Variants in VAV1 observed in about 807,000 individuals in gnomAD.
VAV1 encodes vav guanine nucleotide exchange factor 1.
A neutral mutation model predicts 128.1 loss-of-function variants in VAV1; 33 were observed. The observed-to-expected ratio is 0.26, with a 90% CI of 0.20 to 0.34. VAV1 has a LOEUF of 0.34. VAV1 is among the 10% of genes least tolerant of loss of function. The probability of loss-of-function intolerance (pLI) is 1.00; values close to 1 mark genes in which losing one functional copy is unlikely to be tolerated. For synonymous variants in VAV1, 394 were observed against 409.8 expected (o/e 0.96, Z 0.47); for missense variants, 715 against 1,093.7 (o/e 0.65, Z 4.88).
intron 7 of VAV1, 24 bp from the exon 8 acceptor site, chr19:6,825,279 G>A (rs751269790): frequency 3.1e-6 from 5 of 1,603,630 alleles, no homozygotes; most frequent in Middle Eastern, 4.3e-4. Context: ...TCTGGTCCCA[G>A]CCCTCACCCT....
intron 1 of VAV1, among the ~76,000 whole-genome samples, chr19:6,773,813 TTATGTTGCTGTAGCATCATG>T (rs1970556354): frequency 6.6e-6 from 1 of 152,138 alleles, no homozygotes; most frequent in Admixed American, 6.5e-5. Context: ...TGTGGCTGCA[TTATGTTGCTGTAGCATCATG>T]TCTGGTTCCC....
intron 1 of VAV1, among the ~76,000 whole-genome samples, chr19:6,805,471 G>A (rs1296236830): frequency 1.3e-5 from 2 of 151,604 alleles, no homozygotes; most frequent in African/African-American, 2.4e-5. Flanking sequence ...ACCAGTTGTG[G>A]TGGCTCACAT....
At chr19:6,783,496 C>T (rs1206345168) in intron 1 of VAV1, among the ~76,000 whole-genome samples, 5 of 87,240 alleles carry the variant, frequency 5.7e-5, no homozygotes, top group Admixed American at 3.5e-4. Context: ...TTTTTTGAGA[C>T]GGAGTTTTGC....
At chr19:6,816,851 C>A (rs1458833426) in intron 1 of VAV1, among the ~76,000 whole-genome samples, 1 of 151,816 alleles carries the variant, frequency 6.6e-6, no homozygotes, top group Non-Finnish European at 1.5e-5. Flanking sequence ...GTAGTTCCAG[C>A]TACTTGGGAG....
rs1971812454 is a variant in VAV1, at chr19:6,822,323, C to T, written c.552C>T (p.Ser184=). 6.4e-7 allele frequency: 1 copy of T among 1,551,728 alleles called. No individual in the cohort carries two copies. Among genetic ancestry groups the T allele is most frequent in the Non-Finnish European group, 8.7e-7 (1 of 1,145,488 alleles). The change falls in exon 5 of 27, where the codon TCC becomes TCT. Residue 184 remains serine (S), a synonymous_variant. Coordinates refer to ENST00000602142, the MANE Select transcript of VAV1 (RefSeq NM_005428.4). This position sits in a 1 kb window ranked among gnomAD's most constrained non-coding sequence, Gnocchi z 5.9. ...ACCTCATGCGCTCGGAGCCCGTGTC[C>T]ATGCCGGTGCGTGACGTGGAGGGTC... The part of the protein sequence containing the change: ...YEDLMRSEPV[S]MPPKMTEYDK...
chr19:6,804,298 G>A (rs982089090), intron 1 of VAV1, among the ~76,000 whole-genome samples: 7 of 151,862 alleles, frequency 4.6e-5, no homozygotes, highest in African/African-American at 1.7e-4. Context: ...TCCAGTGGTA[G>A]GGTAGACGAA....
chr19:6,833,565 C>T lies in VAV1; in HGVS notation c.1648C>T (p.Arg550Trp), dbSNP rs759577156. 20 of 1,612,088 alleles carry T rather than the reference C, an allele frequency of 1.2e-5. No homozygotes were observed. Among genetic ancestry groups the T allele is most frequent in the Admixed American group, 3.3e-5 (2 of 59,864 alleles). The change falls in exon 17 of 27, where the codon CGG becomes TGG. Residue 550 changes from arginine (R) to tryptophan (W), a missense_variant. Physicochemically the swap from Arg to Trp is moderately radical, Grantham distance 101 (BLOSUM62 -3). Transcript: ENST00000602142. ...FYQGYRCHRC[R>W]ASAHKECLGR... Reference sequence around the variant, plus strand: ...TCAGGGCTACCGCTGCCATCGGTGCCGGGCATCTGCACACAAGGAGTGTCT... The same window carrying T: ...TCAGGGCTACCGCTGCCATCGGTGCTGGGCATCTGCACACAAGGAGTGTCT...
At position 6,773,024 on chromosome 19, in the gene VAV1, C is replaced by G. The variant is rs374457632; in HGVS notation, c.204+13C>G. On this transcript the variant is annotated intron_variant, in intron 1 of 26. Coordinates refer to ENST00000602142, the MANE Select transcript of VAV1 (RefSeq NM_005428.4). ...CCAGATGTCCCAGGTGAGCCCTCCG[C>G]GGGCAGGTGTGCTGAGGGTTGGAGA... The G allele has an allele frequency of 3.1e-6, 5 of 1,613,972 alleles. No individual in the cohort carries two copies. In the South Asian group the frequency reaches 4.4e-5, roughly 14 times the overall value.
intron 1 of VAV1, chr19:6,784,186 T>C: frequency 3.3e-6 from 2 of 610,964 alleles, no homozygotes; most frequent in Non-Finnish European, 3.0e-6. Context: ...CCCAGGAGTT[T>C]GATGCTGCAG....
intron 1 of VAV1, among the ~76,000 whole-genome samples, chr19:6,819,725 G>C (rs2144766119): frequency 6.6e-6 from 1 of 152,306 alleles, no homozygotes; most frequent in South Asian, 2.1e-4. Flanking sequence ...GGTTGTGGGA[G>C]AGGCCAAGCC....
At chr19:6,856,550 C>T (rs1478969534) in intron 26 of VAV1, among the ~76,000 whole-genome samples, 3 of 151,160 alleles carry the variant, frequency 2.0e-5, no homozygotes, top group Non-Finnish European at 3.0e-5. Flanking sequence ...GGTGAAACCC[C>T]GTCTCTACTA....
intron 13 of VAV1, 28 bp from the exon 14 acceptor site, chr19:6,829,758 G>T: frequency 6.2e-7 from 1 of 1,613,146 alleles, no homozygotes; most frequent in Non-Finnish European, 8.5e-7. Context: ...GGAAGAGCCA[G>T]ACAGGAATGC....
At chr19:6,773,128 G>A in intron 1 of VAV1, 117 bp downstream of exon 1, 1 of 1,371,702 alleles carries the variant, frequency 7.3e-7, no homozygotes. Flanking sequence ...GAGGGAATAT[G>A]CTTACAGGTC....
chr19:6,854,538 T>A (rs903913211), intron 26 of VAV1, among the ~76,000 whole-genome samples: 1 of 151,592 alleles, frequency 6.6e-6, no homozygotes, highest in Non-Finnish European at 1.5e-5. Context: ...AATAGTGAGA[T>A]CCCACCTCTA....
intron 22 of VAV1, 130 bp downstream of exon 22, chr19:6,843,296 A>T: frequency 9.4e-7 from 1 of 1,069,422 alleles, no homozygotes; most frequent in East Asian, 2.4e-5. Flanking sequence ...TTCTGAATCT[A>T]GCTCTGGGCT....
At chr19:6,817,027 T>C (rs1651876) in intron 1 of VAV1, among the ~76,000 whole-genome samples, 11,382 of 151,934 alleles carry the variant, frequency 0.075, 772 homozygotes, top group African/African-American at 0.18. Flanking sequence ...CCTAACCATG[T>C]GTAGTAGGCA....
In VAV1 at chr19:6,772,709, G is replaced by A; in HGVS notation, c.-99G>A. 7.7e-7 allele frequency: 1 copy of A among 1,292,384 alleles called. No individual in the cohort carries two copies. Among genetic ancestry groups the A allele is most frequent in the Admixed American group, 2.2e-5 (1 of 45,236 alleles). 80.1% of individuals were successfully genotyped at this position (1,292,384 alleles called of 1,614,324 possible). A position where few individuals can be genotyped will look rare whatever the true frequency, so the allele number is the denominator to read the frequency against. ...TACAGGCAAAGAAGAGGAAGTGGTA[G>A]CACTAGCTGTCGCTCCACAGGCGAG... On this transcript the variant is annotated 5_prime_UTR_variant, in exon 1 of 27. Coordinates refer to ENST00000602142, the MANE Select transcript of VAV1 (RefSeq NM_005428.4). This position sits in a 1 kb window ranked among gnomAD's most constrained non-coding sequence, Gnocchi z 4.8.
chr19:6,823,271 A>G (rs1036755531), intron 6 of VAV1, among the ~76,000 whole-genome samples: 1 of 150,380 alleles, frequency 6.6e-6, no homozygotes, highest in Non-Finnish European at 1.5e-5. Context: ...GATTACAGGC[A>G]TGCACCACCA....
chr19:6,793,194 C>G (rs1449403006), intron 1 of VAV1, among the ~76,000 whole-genome samples: 2 of 152,060 alleles, frequency 1.3e-5, no homozygotes, highest in Admixed American at 1.3e-4. Context: ...ATTAGCCAGG[C>G]ATGGTGGCGG....
Sources: gnomAD v4.1 joint callset for allele counts (sites outside exome capture counted in the v4.1 genomes callset) on GRCh38, gnomAD v4.1.1 for gene constraint, Gnocchi (gnomAD v3.1) non-coding constraint, MANE v1.5 for transcripts, NCBI Gene and HGNC (gene_info 2026-07-23, HGNC 2026-07-21) for gene names.